PRKCA: variants seen among roughly 807,000 people sequenced by gnomAD.
PRKCA encodes protein kinase C alpha type.
A neutral mutation model predicts 87.0 loss-of-function variants in PRKCA; 27 were observed. The ratio of observed to expected loss-of-function variants is 0.31; its 90% CI spans 0.23 to 0.43. The LOEUF is 0.43. Ranked by LOEUF, PRKCA falls within the 20% of genes least tolerant of loss-of-function variation. PRKCA has a pLI of 1.00. For missense variants in PRKCA, 518 were observed against 852.3 expected, an observed-to-expected ratio of 0.61 and a Z score of 4.88; for synonymous variants, 329 against 311.1, an observed-to-expected ratio of 1.06 and a Z score of -0.61.
At chr17:66,776,059 G>A (rs969092045) in intron 14 of PRKCA, among the ~76,000 whole-genome samples, 2 of 152,220 alleles carry the variant, frequency 1.3e-5, no homozygotes, top group Admixed American at 6.5e-5. Context: ...GCCACCACGC[G>A]AAGGCCCTAA....
At chr17:66,606,781 T>G (rs1002056283) in intron 3 of PRKCA, among the ~76,000 whole-genome samples, 1 of 152,188 alleles carries the variant, frequency 6.6e-6, no homozygotes, top group African/African-American at 2.4e-5. Context: ...GTGGCTATTC[T>G]ATTTTTAGAA....
At position 66,376,694 on chromosome 17, in the gene PRKCA, GT is replaced by G. The variant is rs572178414; in HGVS notation, c.205+70569del. On this transcript the variant is annotated intron_variant, in intron 2 of 16. Transcript: ENST00000413366. ...CCAGCTCTCATCCCCTGGCCCGAGG[GT>G]TGGAGCACTAGACTTCATGTACCAG... Among the ~76,000 whole-genome samples, 17 of 152,270 alleles carry G rather than the reference GT, an allele frequency of 1.1e-4. No individual in the cohort carries two copies. The East Asian group carries it at 2.7e-3, about 24-fold the overall frequency.
At chr17:66,572,004 T>C (rs1345533574) in intron 3 of PRKCA, among the ~76,000 whole-genome samples, 4 of 152,160 alleles carry the variant, frequency 2.6e-5, no homozygotes, top group Non-Finnish European at 5.9e-5. Flanking sequence ...CTCCATATAA[T>C]TGGGATGCTG....
rs993913025 is a variant in PRKCA at position 66,489,131 on chromosome 17, T to G, written c.206-7070T>G. On this transcript the variant is annotated intron_variant, in intron 2 of 16. Transcript: ENST00000413366. ...TTCAAGGAAGCTCAGCTACCAGTCTTCTCTTCTAAGCAAAGTCTATTATAT... is the reference window on the plus strand; with the variant it reads ...TTCAAGGAAGCTCAGCTACCAGTCTGCTCTTCTAAGCAAAGTCTATTATAT... Among the ~76,000 whole-genome samples the G allele has an allele frequency of 7.9e-5, 12 of 151,934 alleles. 1 individual carries two copies. In the South Asian group the frequency reaches 2.3e-3, roughly 29 times the overall value.
At chr17:66,432,258 A>G (rs1422892061) in intron 2 of PRKCA, among the ~76,000 whole-genome samples, 1 of 152,132 alleles carries the variant, frequency 6.6e-6, no homozygotes, top group Non-Finnish European at 1.5e-5. Flanking sequence ...GGGTCCTTGG[A>G]TGAGTGCCTT....
intron 14 of PRKCA, among the ~76,000 whole-genome samples, chr17:66,786,242 C>T (rs145566542): frequency 7.3e-4 from 111 of 152,332 alleles, no homozygotes; most frequent in African/African-American, 2.6e-3. Context: ...CAAGGTCCCA[C>T]GGGGCCACCG....
At chr17:66,347,712 T>C (rs1021177028) in intron 2 of PRKCA, among the ~76,000 whole-genome samples, 2 of 152,212 alleles carry the variant, frequency 1.3e-5, no homozygotes, top group East Asian at 3.8e-4. Flanking sequence ...GCCGTCAAGC[T>C]GACGGTAGAT....
intron 3 of PRKCA, among the ~76,000 whole-genome samples, chr17:66,553,485 A>G (rs887145667): frequency 2.0e-5 from 3 of 152,148 alleles, no homozygotes; most frequent in African/African-American, 7.2e-5. Context: ...AGAGGTAAAG[A>G]GCTTAACTCT....
intron 16 of PRKCA, among the ~76,000 whole-genome samples, chr17:66,802,916 T>C (rs911206902): frequency 1.3e-5 from 2 of 152,198 alleles, no homozygotes; most frequent in African/African-American, 4.8e-5. Context: ...TTGAAAATCA[T>C]TCTTAGGATC....
chr17:66,469,766 A>G (rs1598699248), intron 2 of PRKCA, among the ~76,000 whole-genome samples: 3 of 152,208 alleles, frequency 2.0e-5, no homozygotes, highest in African/African-American at 7.2e-5. Context: ...AACACAATCA[A>G]TTGGGTTAAG....
At chr17:66,412,565 A>G (rs1210332501) in intron 2 of PRKCA, 1 of 152,148 alleles carries the variant, frequency 6.6e-6, no homozygotes, top group Non-Finnish European at 1.5e-5. Flanking sequence ...GAGAGTCCAC[A>G]CTAGGAGCTG....
intron 2 of PRKCA, among the ~76,000 whole-genome samples, chr17:66,483,833 C>T (rs1265903095): frequency 6.6e-6 from 1 of 152,120 alleles, no homozygotes; most frequent in Non-Finnish European, 1.5e-5. Context: ...GTGACCCCAT[C>T]TTCTCTAATT....
chr17:66,345,719 G>A (rs184977975), intron 2 of PRKCA, among the ~76,000 whole-genome samples: 416 of 152,236 alleles, frequency 2.7e-3, no homozygotes, highest in African/African-American at 9.8e-3. Context: ...AAAATTGCAG[G>A]CAGGAAAAAT....
At chr17:66,471,199 A>C (rs1348300876) in intron 2 of PRKCA, among the ~76,000 whole-genome samples, 2 of 152,164 alleles carry the variant, frequency 1.3e-5, no homozygotes, top group Admixed American at 6.6e-5. Flanking sequence ...CATCAGAGCA[A>C]AGTTTATTTT....
chr17:66,333,265 C>T (rs1390311826), intron 2 of PRKCA, among the ~76,000 whole-genome samples: 1 of 152,152 alleles, frequency 6.6e-6, no homozygotes, highest in Non-Finnish European at 1.5e-5. Context: ...ATTAGAAAAT[C>T]TAACAAACTA....
chr17:66,735,871 A>G (rs1425547453), intron 10 of PRKCA, among the ~76,000 whole-genome samples: 2 of 149,196 alleles, frequency 1.3e-5, no homozygotes, highest in African/African-American at 4.9e-5. Flanking sequence ...CTTGGCATTC[A>G]TGCCATTTAA....
chr17:66,428,470 A>G (rs893877550), intron 2 of PRKCA, among the ~76,000 whole-genome samples: 3 of 151,984 alleles, frequency 2.0e-5, no homozygotes, highest in Admixed American at 6.6e-5. Flanking sequence ...GTTGAAAAAG[A>G]TAGTCCAGAA....
At chr17:66,407,243 G>A (rs1341645834) in intron 2 of PRKCA, among the ~76,000 whole-genome samples, 1 of 152,002 alleles carries the variant, frequency 6.6e-6, no homozygotes, top group Non-Finnish European at 1.5e-5. Flanking sequence ...TGTTGGAGGT[G>A]GGGCCTGGTG....
intron 2 of PRKCA, among the ~76,000 whole-genome samples, chr17:66,338,652 C>G (rs997904792): frequency 2.6e-4 from 39 of 151,978 alleles, no homozygotes; most frequent in African/African-American, 8.9e-4. Flanking sequence ...ATTTAAAATA[C>G]AAGTGAACCA....
Sources: allele counts gnomAD v4.1 joint callset (sites outside exome capture counted in the v4.1 genomes callset), GRCh38; gene constraint gnomAD v4.1.1; transcripts MANE v1.5; gene names NCBI Gene and HGNC (gene_info 2026-07-23, HGNC 2026-07-21).